NCAM1: variants seen among roughly 807,000 people sequenced by gnomAD.
NCAM1 encodes neural cell adhesion molecule 1.
A neutral mutation model predicts 109.8 loss-of-function variants in NCAM1; 14 were observed. That is an observed-to-expected ratio of 0.13 (90% CI 0.08 to 0.20). NCAM1 has a LOEUF of 0.20. NCAM1 is among the 10% of genes least tolerant of loss of function. The probability of loss-of-function intolerance (pLI) is 1.00; values close to 1 mark genes in which losing one functional copy is unlikely to be tolerated. For missense variants in NCAM1, 774 were observed against 1,109.9 expected, an observed-to-expected ratio of 0.70 and a Z score of 4.30; for synonymous variants, 418 against 442.9, an observed-to-expected ratio of 0.94 and a Z score of 0.70.
At chr11:113,091,333 T>G (rs538365621) in intron 1 of NCAM1, among the ~76,000 whole-genome samples, 44 of 152,328 alleles carry the variant, frequency 2.9e-4, no homozygotes, top group Non-Finnish European at 5.4e-4. Context: ...GCCAGGGATA[T>G]CTTTGGCTCA....
chr11:113,022,560 T>A (rs527983161), intron 1 of NCAM1, among the ~76,000 whole-genome samples: 1 of 152,314 alleles, frequency 6.6e-6, no homozygotes, highest in African/African-American at 2.4e-5. Flanking sequence ...GAGAATAGAA[T>A]CTGGTAGAGA....
At chr11:113,091,979 C>T (rs1456430908) in intron 1 of NCAM1, among the ~76,000 whole-genome samples, 3 of 151,984 alleles carry the variant, frequency 2.0e-5, no homozygotes, top group Non-Finnish European at 4.4e-5. Context: ...TTGAGTTCTA[C>T]TCGAGTTCTG....
At chr11:113,044,233 C>T (rs560793174) in intron 1 of NCAM1, among the ~76,000 whole-genome samples, 46 of 152,168 alleles carry the variant, frequency 3.0e-4, no homozygotes, top group African/African-American at 9.2e-4. Flanking sequence ...TTCTTCTGGG[C>T]ATGGCAGCAT....
chr11:113,147,604 T>G (rs1942065723), intron 1 of NCAM1, among the ~76,000 whole-genome samples: 2 of 152,220 alleles, frequency 1.3e-5, no homozygotes, highest in Non-Finnish European at 2.9e-5. Context: ...GCAATTACAG[T>G]CTTTGTTTCC....
intron 1 of NCAM1, among the ~76,000 whole-genome samples, chr11:113,068,481 T>C (rs963006122): frequency 6.6e-6 from 1 of 152,212 alleles, no homozygotes; most frequent in Non-Finnish European, 1.5e-5. Context: ...TGGTAGCTAA[T>C]GGTGATATTA....
intron 1 of NCAM1, chr11:113,003,778 T>G (rs1242053227): frequency 6.6e-6 from 1 of 152,248 alleles, no homozygotes; most frequent in Non-Finnish European, 1.5e-5. Flanking sequence ...CAATTGGGCA[T>G]CAGACTCTTT....
At chr11:113,243,188 C>G (rs1294930648) in intron 14 of NCAM1, among the ~76,000 whole-genome samples, 9 of 152,242 alleles carry the variant, frequency 5.9e-5, no homozygotes, top group African/African-American at 2.2e-4. Context: ...TTTGCTGTCC[C>G]TCCTTCTGAA....
At chr11:113,132,089 C>T (rs899289735) in intron 1 of NCAM1, among the ~76,000 whole-genome samples, 2 of 152,148 alleles carry the variant, frequency 1.3e-5, no homozygotes, top group Non-Finnish European at 2.9e-5. Flanking sequence ...CATCCTCTCC[C>T]TCCTCCATGA....
intron 1 of NCAM1, among the ~76,000 whole-genome samples, chr11:113,190,609 G>A (rs1591400916): frequency 6.6e-6 from 1 of 152,158 alleles, no homozygotes; most frequent in Non-Finnish European, 1.5e-5. Context: ...AAAAGCTGTG[G>A]GTTCCAGGGA....
intron 9 of NCAM1, among the ~76,000 whole-genome samples, chr11:113,225,010 C>T (rs1351629366): frequency 6.6e-6 from 1 of 152,326 alleles, no homozygotes; most frequent in African/African-American, 2.4e-5. Context: ...ACTGAAAATT[C>T]TAAAAATCAG....
chr11:113,180,110 G>C (rs1259219188), intron 1 of NCAM1, among the ~76,000 whole-genome samples: 1 of 152,198 alleles, frequency 6.6e-6, no homozygotes, highest in Non-Finnish European at 1.5e-5. Context: ...TCACTCCTGT[G>C]ATTTGTGGAC....
intron 1 of NCAM1, among the ~76,000 whole-genome samples, chr11:112,995,137 G>C (rs1375213561): frequency 6.6e-6 from 1 of 151,998 alleles, no homozygotes; most frequent in Non-Finnish European, 1.5e-5. Context: ...AATTACAGTA[G>C]TTATGAAAGT....
intron 8 of NCAM1, 72 bp downstream of exon 8, chr11:113,214,583 GTT>G: frequency 1.3e-6 from 2 of 1,495,788 alleles, no homozygotes; most frequent in Middle Eastern, 1.7e-4. Context: ...CTCATGCCCA[GTT>G]CTCTTTGGGG....
intron 1 of NCAM1, among the ~76,000 whole-genome samples, chr11:113,088,252 T>C (rs1161873562): frequency 6.6e-6 from 1 of 152,170 alleles, no homozygotes; most frequent in African/African-American, 2.4e-5. Context: ...CAAATCACAG[T>C]AAAATCAGCA....
intron 1 of NCAM1, among the ~76,000 whole-genome samples, chr11:113,176,113 G>A (rs532058630): frequency 9.9e-5 from 15 of 152,154 alleles, no homozygotes; most frequent in Non-Finnish European, 1.9e-4. Flanking sequence ...AGGGGAACAG[G>A]GTTTAATCAT....
chr11:113,162,975 C>T (rs782270019), intron 1 of NCAM1, among the ~76,000 whole-genome samples: 1 of 152,134 alleles, frequency 6.6e-6, no homozygotes, highest in Non-Finnish European at 1.5e-5. Context: ...TTACTAACGC[C>T]CTCTCCATCC....
intron 8 of NCAM1, among the ~76,000 whole-genome samples, chr11:113,217,968 T>C (rs1415634151): frequency 1.3e-5 from 2 of 152,224 alleles, no homozygotes; most frequent in Non-Finnish European, 1.5e-5. Flanking sequence ...TGAGAATGAC[T>C]GTTTGAGTCC....
At chr11:112,978,779 G>A (rs1951073492) in intron 1 of NCAM1, among the ~76,000 whole-genome samples, 1 of 151,796 alleles carries the variant, frequency 6.6e-6, no homozygotes, top group Admixed American at 6.6e-5. Context: ...AATTTCACAA[G>A]GGGGAAAATA....
chr11:113,234,957 C>G, intron 13 of NCAM1, 76 bp from the exon 14 acceptor site: 1 of 1,461,352 alleles, frequency 6.8e-7, no homozygotes, highest in South Asian at 1.4e-5. Flanking sequence ...TTTTCAGGAC[C>G]CTCCCTACTG....
Sources: gnomAD v4.1 joint callset for allele counts (sites outside exome capture counted in the v4.1 genomes callset) on GRCh38, gnomAD v4.1.1 for gene constraint, MANE v1.5 for transcripts, NCBI Gene and HGNC (gene_info 2026-07-23, HGNC 2026-07-21) for gene names.